The following MAN1C1 variants were observed in gnomAD, a reference collection of about 807,000 sequenced individuals.
MAN1C1 encodes mannosyl-oligosaccharide 1,2-alpha-mannosidase IC.
MAN1C1 carries 49 observed loss-of-function variants against 71.5 expected under a neutral mutation model. The observed-to-expected ratio is 0.69, with a 90% CI of 0.54 to 0.87. The LOEUF is 0.87. Among genes scored for constraint, MAN1C1 ranks in the 40% least tolerant of loss-of-function variants. The pLI is 0.00. For missense variants in MAN1C1, 743 were observed against 835.0 expected (o/e 0.89, Z 1.36); for synonymous variants, 352 against 343.7 (o/e 1.02, Z -0.27).
chr1:25,730,009 G>A lies in MAN1C1; in HGVS notation c.638-16659G>A, dbSNP rs1265721196. ...TCATTCATTTACTTGCTGTTTTGCT[G>A]GGAAATTGCTTACTGTCTTTCTGAG... On this transcript the variant is annotated intron_variant, in intron 2 of 11. Transcript: ENST00000374332. This position sits in a 1 kb window ranked among gnomAD's most constrained non-coding sequence, Gnocchi z 4.3. Among the ~76,000 whole-genome samples, 1 of 152,142 alleles carries A rather than the reference G, an allele frequency of 6.6e-6. No individual in the cohort carries two copies. The highest frequency in any genetic ancestry group is 2.4e-5 in the African/African-American group (1 of 41,424).
intron 2 of MAN1C1, among the ~76,000 whole-genome samples, chr1:25,740,679 A>G (rs1422822073): frequency 6.6e-6 from 1 of 151,394 alleles, no homozygotes; most frequent in East Asian, 2.0e-4. Flanking sequence ...CTCGTGATCC[A>G]CCCGCCTTGG....
chr1:25,743,952 C>G (rs1197952858), intron 2 of MAN1C1, among the ~76,000 whole-genome samples: 2 of 152,190 alleles, frequency 1.3e-5, no homozygotes, highest in Admixed American at 6.5e-5. Context: ...ATGCCTGATG[C>G]GTGGAAAACA....
chr1:25,709,015 A>G (rs1456480363), intron 2 of MAN1C1, among the ~76,000 whole-genome samples: 1 of 152,170 alleles, frequency 6.6e-6, no homozygotes, highest in African/African-American at 2.4e-5. Context: ...AGGAATCCAT[A>G]CATCTGCAGG....
In MAN1C1 at chr1:25,746,630, T is replaced by A; in HGVS notation, c.638-38T>A. 4.0e-6 allele frequency: 6 copies of A among 1,482,558 alleles called. No individual in the cohort carries two copies. Among genetic ancestry groups the A allele is most frequent in the Non-Finnish European group, 5.6e-6 (6 of 1,064,926 alleles). The allele number at this position is 1,482,558 out of a possible 1,614,324, so 91.8% of individuals were successfully genotyped here. On this transcript the variant is annotated intron_variant, in intron 2 of 11. Transcript: ENST00000374332. The surrounding 1 kb of genome is among the most constrained non-coding windows in gnomAD (Gnocchi z 4.0). Reference sequence around the variant, plus strand: ...TGTCCAGTTGGGGAAAAGAGAAAGATGGCCCTGGGTCACACCCTCAATGCT... The same window carrying A: ...TGTCCAGTTGGGGAAAAGAGAAAGAAGGCCCTGGGTCACACCCTCAATGCT...
intron 2 of MAN1C1, among the ~76,000 whole-genome samples, chr1:25,720,583 A>G (rs1294137135): frequency 6.6e-6 from 1 of 152,182 alleles, no homozygotes; most frequent in East Asian, 1.9e-4. Flanking sequence ...CCAGTTCTCT[A>G]TGGGACATAT....
In MAN1C1 at chr1:25,683,156, G is replaced by A. The variant is rs146834116; in HGVS notation, c.541-3284G>A. On this transcript the variant is annotated intron_variant, in intron 1 of 11. Coordinates refer to ENST00000374332, the MANE Select transcript of MAN1C1 (RefSeq NM_020379.4). Reference sequence around the variant, plus strand: ...TCTCTAAAGTCCAGGTATTACCCACGGCACACATCACCAGTTCCAGAGTGA... The same window carrying A: ...TCTCTAAAGTCCAGGTATTACCCACAGCACACATCACCAGTTCCAGAGTGA... 3.6e-3 allele frequency among the ~76,000 whole-genome samples: 547 copies of A among 152,186 alleles called. 5 individuals are homozygous for A. The highest frequency in any genetic ancestry group is 2.7e-3 in the South Asian group (13 of 4,812).
At chr1:25,716,112 A>G (rs1268410910) in intron 2 of MAN1C1, among the ~76,000 whole-genome samples, 1 of 152,326 alleles carries the variant, frequency 6.6e-6, no homozygotes, top group East Asian at 1.9e-4. Flanking sequence ...CAGCACTTCA[A>G]CTGAATCCCA....
At chr1:25,768,545 A>AT (rs2047491796) in intron 7 of MAN1C1, among the ~76,000 whole-genome samples, 1 of 65,334 alleles carries the variant, frequency 1.5e-5, no homozygotes, top group African/African-American at 5.7e-5. Context: ...CCTCACACAC[A>AT]CCACACACAC....
At chr1:25,685,709 C>T (rs764792422) in intron 1 of MAN1C1, among the ~76,000 whole-genome samples, 1 of 152,200 alleles carries the variant, frequency 6.6e-6, no homozygotes, top group Non-Finnish European at 1.5e-5. Context: ...CATAGGCATC[C>T]ATTGTGCCAA....
intron 1 of MAN1C1, among the ~76,000 whole-genome samples, chr1:25,619,856 A>G (rs2045179294): frequency 6.6e-6 from 1 of 152,178 alleles, no homozygotes; most frequent in South Asian, 2.1e-4. Flanking sequence ...TCGACCTCCC[A>G]GTAGGGCAGT....
chr1:25,780,941 C>T lies in MAN1C1; in HGVS notation c.1479C>T (p.Asp493=), dbSNP rs758359722. The T allele has an allele frequency of 2.5e-6, 4 of 1,613,630 alleles. 1 individual carries two copies. The South Asian group carries it at 4.4e-5, about 18-fold the overall frequency. The change falls in exon 10 of 12, where the codon GAC becomes GAT. Residue 493 remains aspartate (D), a splice_region_variant and synonymous_variant. Coordinates refer to ENST00000374332, the MANE Select transcript of MAN1C1 (RefSeq NM_020379.4). ...CCCTCTGCTTGGCTGTTTCCCCAGA[C>T]ACCAAACTTGGGCCTGAGGCCTTCT... is the stretch of plus-strand genomic sequence containing the variant. ...KTCHESYARS[D]TKLGPEAFWF...
chr1:25,679,049 AAG>A (rs1330187625), intron 1 of MAN1C1, among the ~76,000 whole-genome samples: 3 of 144,706 alleles, frequency 2.1e-5, no homozygotes, highest in East Asian at 1.9e-4. Context: ...GAGATGAGAC[AAG>A]AGAGAGAGAG....
chr1:25,721,193 C>A (rs1270756188), intron 2 of MAN1C1, among the ~76,000 whole-genome samples: 1 of 152,068 alleles, frequency 6.6e-6, no homozygotes, highest in Non-Finnish European at 1.5e-5. Flanking sequence ...TGCTGTGCTG[C>A]CCAGGCTTGT....
At position 25,618,241 on chromosome 1, in the gene MAN1C1, C is replaced by G; in HGVS notation, c.444C>G (p.Phe148Leu). 2 of 1,602,326 alleles carry G rather than the reference C, an allele frequency of 1.2e-6. No homozygotes were observed. Among genetic ancestry groups the G allele is most frequent in the Non-Finnish European group, 1.7e-6 (2 of 1,176,442 alleles). ...GVPFRFDFNAFRSRLRHPVLG... is the reference protein window; with the variant it reads ...GVPFRFDFNALRSRLRHPVLG... The stretch of plus-strand genomic sequence containing the variant: ...CTTTCCGCTTTGACTTCAACGCATT[C>G]CGGAGCCGTCTCCGCCACCCGGTCC... Residue 148 changes from phenylalanine to leucine, a missense_variant, in exon 1 of 12, where the codon TTC (phenylalanine) becomes TTG (leucine). By Grantham distance (22) the Phe-to-Leu change is conservative. Transcript: ENST00000374332.
At chr1:25,671,767 G>A (rs904400142) in intron 1 of MAN1C1, among the ~76,000 whole-genome samples, 3 of 152,182 alleles carry the variant, frequency 2.0e-5, no homozygotes, top group Non-Finnish European at 4.4e-5. Flanking sequence ...ACACAAATTC[G>A]TTCTCTTACA....
At position 25,753,510 on chromosome 1, in the gene MAN1C1, G is replaced by A. The variant is rs1269559968; in HGVS notation, c.861G>A (p.Leu287=). The change falls in exon 5 of 12, where the codon CTG becomes CTA. Residue 287 remains leucine (L), a synonymous_variant. Transcript: ENST00000374332. The surrounding 1 kb of genome is among the most constrained non-coding windows in gnomAD (Gnocchi z 4.9). ...EEVFRIKAIR[L]GEKLLPAFNT... ...TGTTCCGAATAAAGGCCATCAGGCT[G>A]GGAGAGAAGCTCCTGCCGGCGTTCA... 2 of 1,613,942 alleles carry A rather than the reference G, an allele frequency of 1.2e-6. No homozygotes were observed. The highest frequency in any genetic ancestry group is 3.3e-5 in the Admixed American group (2 of 60,010).
At position 25,735,526 on chromosome 1, in the gene MAN1C1, G is replaced by T. The variant is rs1271564724; in HGVS notation, c.638-11142G>T. ...TATGTATGTGTGTGTATATATATGT[G>T]TATGTATATGTGTATGTATATATGT... On this transcript the variant is annotated intron_variant, in intron 2 of 11. Transcript: ENST00000374332. This position sits in a 1 kb window ranked among gnomAD's most constrained non-coding sequence, Gnocchi z 4.6. Among the ~76,000 whole-genome samples, 1 of 152,114 alleles carries T rather than the reference G, an allele frequency of 6.6e-6. No individual in the cohort carries two copies.
chr1:25,675,219 T>C (rs999374671), intron 1 of MAN1C1, among the ~76,000 whole-genome samples: 6 of 152,184 alleles, frequency 3.9e-5, no homozygotes, highest in African/African-American at 1.4e-4. Flanking sequence ...TGTAGACTTT[T>C]ATCCCTCAAC....
At chr1:25,624,261 C>T (rs1258387489) in intron 1 of MAN1C1, among the ~76,000 whole-genome samples, 1 of 152,190 alleles carries the variant, frequency 6.6e-6, no homozygotes, top group Non-Finnish European at 1.5e-5. Context: ...GCTCAGACAG[C>T]AGGGTTTTGG....
Sources: gnomAD v4.1 joint callset for allele counts (sites outside exome capture counted in the v4.1 genomes callset) on GRCh38, gnomAD v4.1.1 for gene constraint, Gnocchi (gnomAD v3.1) non-coding constraint, MANE v1.5 for transcripts, NCBI Gene and HGNC (gene_info 2026-07-23, HGNC 2026-07-21) for gene names.